SLC6A20: variants seen among roughly 807,000 people sequenced by gnomAD.
SLC6A20 encodes the protein sodium- and chloride-dependent transporter XTRP3.
In SLC6A20, 73 loss-of-function variants were observed where a neutral mutation model predicts 64.3. The observed-to-expected ratio is 1.14, with a 90% confidence interval of 0.94 to 1.38. The LOEUF is 1.38. SLC6A20 is among the 40% of genes most tolerant of loss of function. SLC6A20 has a pLI of 0.00. For synonymous variants in SLC6A20, 347 were observed against 329.6 expected, an observed-to-expected ratio of 1.05 and a Z score of -0.57; for missense variants, 725 against 772.8, an observed-to-expected ratio of 0.94 and a Z score of 0.73.
chr3:45,786,189 T>C (rs1202413340), intron 1 of SLC6A20, among the ~76,000 whole-genome samples: 2 of 152,234 alleles, frequency 1.3e-5, no homozygotes, highest in East Asian at 1.9e-4. Flanking sequence ...CATTATCTTA[T>C]ATAATCCCAG....
Position 45,763,061 on chromosome 3 carries a change from G to C in SLC6A20, c.1315C>G (p.Leu439Val). ...PKEAISGLVC[L>V]VNCAIGMVFT... ...ACCATGCCAATGGCACAGTTGACAA[G>C]GCACACCAGACCTGGGGGCCACAAG... is the stretch of plus-strand genomic sequence containing the variant. The change falls in exon 9 of 11, where the codon CTT (leucine) becomes GTT (valine). Residue 439 changes from leucine to valine, a missense_variant. Coordinates refer to ENST00000358525, the MANE Select transcript of SLC6A20 (RefSeq NM_020208.4). 1 of 1,614,076 alleles carries C rather than the reference G, an allele frequency of 6.2e-7. No individual in the cohort carries two copies. The highest frequency in any genetic ancestry group is 8.5e-7 in the Non-Finnish European group (1 of 1,180,034).
intron 2 of SLC6A20, among the ~76,000 whole-genome samples, chr3:45,781,346 CTT>C (rs1700081705): frequency 6.6e-6 from 1 of 152,250 alleles, no homozygotes; most frequent in African/African-American, 2.4e-5. Context: ...CTTCCACCCT[CTT>C]TGCTCCTGAA....
At chr3:45,759,300 C>T (rs960745146) in intron 10 of SLC6A20, among the ~76,000 whole-genome samples, 173 bp from the exon 11 acceptor site, 1 of 152,222 alleles carries the variant, frequency 6.6e-6, no homozygotes, top group Non-Finnish European at 1.5e-5. Context: ...TGCCAGGAGC[C>T]TAACTGCCCT....
chr3:45,771,670 A>T, intron 5 of SLC6A20: 3 of 713,506 alleles, frequency 4.2e-6, no homozygotes, highest in Non-Finnish European at 6.8e-6. Flanking sequence ...TCCCAGGGCT[A>T]AGGTGCTGTG....
chr3:45,763,025 C>T lies in SLC6A20; in HGVS notation c.1351G>A (p.Glu451Lys). 2 of 1,614,170 alleles carry T rather than the reference C, an allele frequency of 1.2e-6. No individual in the cohort carries two copies. Among genetic ancestry groups the T allele is most frequent in the Non-Finnish European group, 8.5e-7 (1 of 1,180,036 alleles). ...NCAIGMVFTM[E>K]AGNYWFDIFN... is the part of the protein sequence containing the mutation. Reference sequence around the variant, plus strand: ...ATGTCAAACCAGTAGTTCCCAGCCTCCATCGTGAACACCATGCCAATGGCA... The same window carrying T: ...ATGTCAAACCAGTAGTTCCCAGCCTTCATCGTGAACACCATGCCAATGGCA... Residue 451 changes from glutamate to lysine, a missense_variant, in exon 9 of 11, where the codon GAG becomes AAG. Transcript: ENST00000358525.
At chr3:45,766,699 G>A (rs1365430708) in intron 7 of SLC6A20, among the ~76,000 whole-genome samples, 2 of 152,196 alleles carry the variant, frequency 1.3e-5, no homozygotes, top group Non-Finnish European at 2.9e-5. Flanking sequence ...TATAACAAGA[G>A]GAAGAGAGAG....
Position 45,758,621 on chromosome 3 carries a change from CA to C in SLC6A20, c.*356del. The C allele has an allele frequency of 4.5e-6, 5 of 1,110,274 alleles. No homozygotes were observed. Among genetic ancestry groups the C allele is most frequent in the South Asian group, 2.3e-5 (1 of 43,256 alleles). 68.8% of individuals were successfully genotyped at this position (1,110,274 alleles called of 1,614,324 possible). A position where few individuals can be genotyped will look rare whatever the true frequency, so the allele number is the denominator to read the frequency against. ...TCTAATATTTTGGTGTCTCTTCAGC[CA>C]AAAACAAAAATTGCTTAAATTTGGT... On this transcript the variant is annotated 3_prime_UTR_variant, in exon 11 of 11. Transcript: ENST00000358525.
chr3:45,771,022 G>A lies in SLC6A20; in HGVS notation c.935+195C>T, dbSNP rs9818982. On this transcript the variant is annotated intron_variant, in intron 6 of 10. Coordinates refer to ENST00000358525, the MANE Select transcript of SLC6A20 (RefSeq NM_020208.4). ...TGCTAAGTGCTCACAACACGCTAAC[G>A]TGCCCTCATCCCTGCCAGGCAGATG... Among the ~76,000 whole-genome samples the A allele has an allele frequency of 0.11, 16,846 of 152,192 alleles. 981 individuals carry two copies. Among genetic ancestry groups the A allele is most frequent in the South Asian group, 0.14 (698 of 4,820 alleles).
At chr3:45,767,078 A>G (rs978369634) in intron 7 of SLC6A20, among the ~76,000 whole-genome samples, 1 of 152,260 alleles carries the variant, frequency 6.6e-6, no homozygotes, top group African/African-American at 2.4e-5. Context: ...GGTCAATTCT[A>G]TAGTATACCA....
In SLC6A20 at chr3:45,765,615, C is replaced by T; in HGVS notation, c.1225G>A (p.Gly409Arg). ...GGGGTGAGGATGGCCGCTGTGTTCCCCAGCATGCTCCCAATGCCCAGCATC... is the reference window on the plus strand; with the variant it reads ...GGGGTGAGGATGGCCGCTGTGTTCCTCAGCATGCTCCCAATGCCCAGCATC... ...LLMLGIGSML[G>R]NTAAILTPLT... The change falls in exon 8 of 11, where the codon GGG (glycine) becomes AGG (arginine). Residue 409 changes from glycine to arginine, a missense_variant. By Grantham distance (125) the Gly-to-Arg change is moderately radical. Coordinates refer to ENST00000358525, the MANE Select transcript of SLC6A20 (RefSeq NM_020208.4). This position sits in a 1 kb window ranked among gnomAD's most constrained non-coding sequence, Gnocchi z 4.2. 1 of 1,614,136 alleles carries T rather than the reference C, an allele frequency of 6.2e-7. No homozygotes were observed. The highest frequency in any genetic ancestry group is 1.3e-5 in the African/African-American group (1 of 75,014).
intron 5 of SLC6A20, chr3:45,771,663 C>T: frequency 5.4e-6 from 4 of 746,336 alleles, no homozygotes; most frequent in South Asian, 1.9e-5. Context: ...GCACACCTCC[C>T]AGGGCTAAGG....
intron 4 of SLC6A20, among the ~76,000 whole-genome samples, chr3:45,775,375 C>A (rs976813915): frequency 2.0e-5 from 3 of 152,034 alleles, no homozygotes; most frequent in Non-Finnish European, 4.4e-5. Flanking sequence ...CCAGAAAATA[C>A]CAATGTGCAG....
intron 4 of SLC6A20, among the ~76,000 whole-genome samples, chr3:45,773,375 C>T (rs1699910126): frequency 6.6e-6 from 1 of 152,234 alleles, no homozygotes. Flanking sequence ...GATCTTCTTT[C>T]TCCACCGACA....
intron 2 of SLC6A20, 62 bp from the exon 3 acceptor site, chr3:45,780,162 C>T: frequency 3.3e-6 from 5 of 1,500,384 alleles, no homozygotes; most frequent in Non-Finnish European, 4.5e-6. Flanking sequence ...CCGCCAGGCC[C>T]AGCGTGTGCT....
At chr3:45,781,924 A>G (rs772444786) in intron 2 of SLC6A20, among the ~76,000 whole-genome samples, 159 bp downstream of exon 2, 1 of 152,062 alleles carries the variant, frequency 6.6e-6, no homozygotes, top group Non-Finnish European at 1.5e-5. Context: ...CCCACATTCT[A>G]TGTCATCCCC....
At chr3:45,795,574 C>T (rs1184589182) in intron 1 of SLC6A20, among the ~76,000 whole-genome samples, 1 of 152,166 alleles carries the variant, frequency 6.6e-6, no homozygotes, top group African/African-American at 2.4e-5. Flanking sequence ...TTAAATCCCT[C>T]TTGCCACATT....
intron 1 of SLC6A20, among the ~76,000 whole-genome samples, chr3:45,788,795 A>T (rs1272741542): frequency 6.6e-6 from 1 of 152,210 alleles, no homozygotes; most frequent in Non-Finnish European, 1.5e-5. Flanking sequence ...AAAGCGAACC[A>T]CCTATTTACT....
rs774703310 is a variant in SLC6A20, at chr3:45,762,930, G to A, written c.1446C>T (p.Tyr482=). 3.1e-4 allele frequency: 493 copies of A among 1,614,158 alleles called. 1 individual carries two copies. Among genetic ancestry groups the A allele is most frequent in the Admixed American group, 1.4e-3 (85 of 60,026 alleles). ...CTCCTCACCTCCTCAGCCCGTACAC[G>A]TAGCACACGGCAATCGTCTCCACCA... is the stretch of plus-strand genomic sequence containing the variant. ...IVLVETIAVC[Y]VYGLRRFESD... Residue 482 remains tyrosine (Y), a synonymous_variant, in exon 9 of 11, where the codon TAC becomes TAT. Coordinates refer to ENST00000358525, the MANE Select transcript of SLC6A20 (RefSeq NM_020208.4).
At chr3:45,780,945 A>G (rs17078339) in intron 2 of SLC6A20, among the ~76,000 whole-genome samples, 43,726 of 152,180 alleles carry the variant, frequency 0.29, 6,594 homozygotes, top group East Asian at 0.48. Context: ...TATCTTTCCT[A>G]TGATGCAGAA....
Sources: allele counts gnomAD v4.1 joint callset (sites outside exome capture counted in the v4.1 genomes callset), GRCh38; gene constraint gnomAD v4.1.1; non-coding constraint Gnocchi (gnomAD v3.1); transcripts MANE v1.5; gene names NCBI Gene and HGNC (gene_info 2026-07-23, HGNC 2026-07-21).